The following NSMCE2 variants were observed in gnomAD, a reference collection of about 807,000 sequenced individuals.
NSMCE2 encodes the protein E3 SUMO-protein ligase NSE2.
A neutral mutation model predicts 23.8 loss-of-function variants in NSMCE2; 24 were observed. That is an observed-to-expected ratio of 1.01 (90% CI 0.73 to 1.42). NSMCE2 has a LOEUF of 1.42. Ranked by LOEUF, NSMCE2 falls within the 40% of genes most tolerant of loss-of-function variation. The pLI, the probability that NSMCE2 is intolerant of heterozygous loss-of-function variation, is 0.00. For missense variants in NSMCE2, 284 were observed against 296.5 expected (o/e 0.96, Z 0.31); for synonymous variants, 92 against 94.1 (o/e 0.98, Z 0.13).
chr8:125,156,554 G>A (rs551365210), intron 4 of NSMCE2, among the ~76,000 whole-genome samples: 5 of 152,124 alleles, frequency 3.3e-5, no homozygotes, highest in Non-Finnish European at 7.4e-5. Context: ...GTAGGTGCTA[G>A]GTTGGTCCAT....
chr8:125,321,513 A>G (rs1829459105), intron 5 of NSMCE2, among the ~76,000 whole-genome samples: 1 of 152,238 alleles, frequency 6.6e-6, no homozygotes, highest in African/African-American at 2.4e-5. Flanking sequence ...ACTGAAGAAT[A>G]GAAAATATTA....
chr8:125,098,797 G>A (rs552467902), intron 1 of NSMCE2, among the ~76,000 whole-genome samples: 23 of 152,036 alleles, frequency 1.5e-4, no homozygotes, highest in Admixed American at 1.4e-3. Flanking sequence ...AGGTTTGGGG[G>A]AGGGGTAGGG....
At chr8:125,181,339 G>A (rs1822796886) in intron 4 of NSMCE2, among the ~76,000 whole-genome samples, 1 of 152,114 alleles carries the variant, frequency 6.6e-6, no homozygotes, top group African/African-American at 2.4e-5. Context: ...AGGAAAGTTT[G>A]TTGTGAAGGA....
intron 3 of NSMCE2, among the ~76,000 whole-genome samples, chr8:125,138,988 T>C (rs1820216199): frequency 6.6e-6 from 1 of 152,182 alleles, no homozygotes; most frequent in Non-Finnish European, 1.5e-5. Flanking sequence ...TTATGTGGTG[T>C]AAATAAGTTA....
chr8:125,123,345 T>A (rs985104086), intron 3 of NSMCE2, among the ~76,000 whole-genome samples: 2 of 152,192 alleles, frequency 1.3e-5, no homozygotes, highest in Admixed American at 6.5e-5. Flanking sequence ...CAATATTTAC[T>A]AAGTTCCACA....
chr8:125,134,160 A>G (rs546532874), intron 3 of NSMCE2, among the ~76,000 whole-genome samples: 156 of 152,364 alleles, frequency 1.0e-3, no homozygotes, highest in Non-Finnish European at 1.8e-3. Context: ...CATATTTGTT[A>G]TGTAAAAAAT....
At chr8:125,337,119 A>G (rs1253404079) in intron 5 of NSMCE2, among the ~76,000 whole-genome samples, 2 of 152,224 alleles carry the variant, frequency 1.3e-5, no homozygotes, top group South Asian at 2.1e-4. Flanking sequence ...GTTAGCCTAT[A>G]TTAGGTTTCT....
chr8:125,106,868 C>T (rs1393738477), intron 3 of NSMCE2, among the ~76,000 whole-genome samples: 9 of 145,968 alleles, frequency 6.2e-5, no homozygotes, highest in Middle Eastern at 3.8e-3. Context: ...TGGTGGTGGG[C>T]GCCTATAATC....
intron 5 of NSMCE2, among the ~76,000 whole-genome samples, chr8:125,193,309 G>A (rs1223580362): frequency 6.6e-6 from 1 of 152,126 alleles, no homozygotes. Context: ...CACAAAACAT[G>A]TATCTTACAA....
chr8:125,310,839 G>A (rs781644708), intron 5 of NSMCE2, among the ~76,000 whole-genome samples: 2 of 152,112 alleles, frequency 1.3e-5, no homozygotes, highest in African/African-American at 2.4e-5. Flanking sequence ...ACCATGTAAC[G>A]ATTAATGAGA....
Position 125,189,420 on chromosome 8 carries a change from G to A in NSMCE2, c.418+7164G>A, listed in dbSNP as rs144950173. On this transcript the variant is annotated intron_variant, in intron 5 of 7. Coordinates refer to ENST00000287437, the MANE Select transcript of NSMCE2 (RefSeq NM_173685.4). ...GAAGAACAAAGAAGGAGAGGAAGTT[G>A]CTTATGAAAGGTTTAAGGCTAAAAC... Among the ~76,000 whole-genome samples the A allele has an allele frequency of 3.1e-3, 472 of 152,334 alleles. 3 individuals are homozygous for A. Among genetic ancestry groups the A allele is most frequent in the African/African-American group, 0.011 (447 of 41,568 alleles).
At chr8:125,271,563 G>A (rs1332208856) in intron 5 of NSMCE2, among the ~76,000 whole-genome samples, 1 of 152,166 alleles carries the variant, frequency 6.6e-6, no homozygotes, top group African/African-American at 2.4e-5. Context: ...ATCAAAGGCT[G>A]ATTCAGTCCC....
chr8:125,318,583 A>G (rs1295297299), intron 5 of NSMCE2, among the ~76,000 whole-genome samples: 2 of 152,238 alleles, frequency 1.3e-5, no homozygotes, highest in Non-Finnish European at 2.9e-5. Context: ...CATCTATTGT[A>G]TCAGCCAAAA....
chr8:125,134,010 A>G (rs1468615279), intron 3 of NSMCE2, among the ~76,000 whole-genome samples: 1 of 152,190 alleles, frequency 6.6e-6, no homozygotes, highest in Non-Finnish European at 1.5e-5. Flanking sequence ...TGCATTTCTA[A>G]CAAGTTCCCA....
intron 5 of NSMCE2, among the ~76,000 whole-genome samples, chr8:125,265,647 C>T (rs893164143): frequency 2.0e-5 from 3 of 152,154 alleles, no homozygotes; most frequent in Admixed American, 1.3e-4. Context: ...TACCCTAGTC[C>T]GTGCCTTGCC....
chr8:125,229,977 ATATT>A (rs999703301), intron 5 of NSMCE2, among the ~76,000 whole-genome samples: 1 of 152,194 alleles, frequency 6.6e-6, no homozygotes, highest in African/African-American at 2.4e-5. Flanking sequence ...AGATCTGTAA[ATATT>A]TAGTTGAGAA....
At chr8:125,222,726 T>A (rs776829662) in intron 5 of NSMCE2, among the ~76,000 whole-genome samples, 1 of 152,218 alleles carries the variant, frequency 6.6e-6, no homozygotes, top group Non-Finnish European at 1.5e-5. Flanking sequence ...TAGTATTCCA[T>A]TGTATATGTA....
intron 4 of NSMCE2, among the ~76,000 whole-genome samples, chr8:125,169,428 C>T (rs1288919558): frequency 6.6e-6 from 1 of 152,204 alleles, no homozygotes; most frequent in Non-Finnish European, 1.5e-5. Context: ...TCCTTAAATT[C>T]AGTGTCCCAC....
At position 125,196,103 on chromosome 8, in the gene NSMCE2, C is replaced by T. The variant is rs150230269; in HGVS notation, c.418+13847C>T. On this transcript the variant is annotated intron_variant, in intron 5 of 7. Coordinates refer to ENST00000287437, the MANE Select transcript of NSMCE2 (RefSeq NM_173685.4). Reference sequence around the variant, plus strand: ...ACCGTGTTGGCCAGGCTCCTGGTCTCGACCTCCTGACCTTATGTGATCCTC... The same window carrying T: ...ACCGTGTTGGCCAGGCTCCTGGTCTTGACCTCCTGACCTTATGTGATCCTC... Among the ~76,000 whole-genome samples, 4 of 151,500 alleles carry T rather than the reference C, an allele frequency of 2.6e-5. No individual in the cohort carries two copies. The East Asian group carries it at 5.8e-4, about 22-fold the overall frequency.
Sources: allele counts gnomAD v4.1 joint callset (sites outside exome capture counted in the v4.1 genomes callset), GRCh38; gene constraint gnomAD v4.1.1; transcripts MANE v1.5; gene names NCBI Gene and HGNC (gene_info 2026-07-23, HGNC 2026-07-21).